Variants in ACOT12 observed in about 807,000 individuals in gnomAD.
ACOT12 encodes acetyl-coenzyme A thioesterase.
ACOT12 carries 51 observed loss-of-function variants against 67.7 expected under a neutral mutation model. The ratio of observed to expected loss-of-function variants is 0.75; its 90% CI spans 0.60 to 0.95. The LOEUF (loss-of-function observed/expected upper bound fraction) is 0.95. Ranked by LOEUF, ACOT12 falls within the 40% of genes least tolerant of loss-of-function variation. The pLI, the probability that ACOT12 is intolerant of heterozygous loss-of-function variation, is 0.00. For synonymous variants in ACOT12, 251 were observed against 244.6 expected (o/e 1.03, Z -0.24); for missense variants, 734 against 708.1 (o/e 1.04, Z -0.41).
intron 5 of ACOT12, among the ~76,000 whole-genome samples, chr5:81,348,428 G>A (rs1453477551): frequency 6.6e-6 from 1 of 152,164 alleles, no homozygotes; most frequent in Admixed American, 6.5e-5. Context: ...AAAGGAATCT[G>A]AGCTACAAAG....
At chr5:81,357,080 C>G (rs1374008162) in intron 5 of ACOT12, among the ~76,000 whole-genome samples, 1 of 152,122 alleles carries the variant, frequency 6.6e-6, no homozygotes, top group Non-Finnish European at 1.5e-5. Flanking sequence ...GGCTTCCCAG[C>G]ACACAGTGTG....
At chr5:81,308,703 C>T in the ACOT12 span, 70 of 1,606,696 alleles carry the variant, frequency 4.4e-5, no homozygotes, top group South Asian at 2.9e-4. Flanking sequence ...AAAGTAGACC[C>T]GGCTCTTGGT....
intron 1 of ACOT12, among the ~76,000 whole-genome samples, chr5:81,391,391 A>G (rs1435607407): frequency 6.6e-6 from 1 of 152,224 alleles, no homozygotes; most frequent in Non-Finnish European, 1.5e-5. Context: ...TAAAACAAAC[A>G]CAGAAAAAGC....
intron 2 of ACOT12, among the ~76,000 whole-genome samples, chr5:81,372,292 T>G (rs1760278782): frequency 6.6e-6 from 1 of 152,218 alleles, no homozygotes; most frequent in Non-Finnish European, 1.5e-5. Context: ...CACTTCCTAC[T>G]ATTATTGAAA....
At chr5:81,384,920 T>C (rs2153859599) in intron 2 of ACOT12, among the ~76,000 whole-genome samples, 1 of 152,314 alleles carries the variant, frequency 6.6e-6, no homozygotes, top group African/African-American at 2.4e-5. Context: ...GGTGGAAAAG[T>C]AATCGCAGTT....
chr5:81,349,240 G>T (rs1324876953), intron 5 of ACOT12, among the ~76,000 whole-genome samples: 1 of 152,126 alleles, frequency 6.6e-6, no homozygotes, highest in Admixed American at 6.5e-5. Flanking sequence ...ATTAATTGAT[G>T]ATCTCTTTTA....
At chr5:81,386,729 C>T (rs1760732791) in intron 1 of ACOT12, among the ~76,000 whole-genome samples, 1 of 152,092 alleles carries the variant, frequency 6.6e-6, no homozygotes, top group Non-Finnish European at 1.5e-5. Context: ...ATTTGTCTTC[C>T]TTGTGCGTAC....
chr5:81,353,450 T>G (rs1177663969), intron 5 of ACOT12, among the ~76,000 whole-genome samples: 1 of 152,202 alleles, frequency 6.6e-6, no homozygotes, highest in Non-Finnish European at 1.5e-5. Context: ...TCAACCTGCT[T>G]TGACAACTTT....
chr5:81,360,225 A>G (rs115813514), intron 4 of ACOT12, among the ~76,000 whole-genome samples, 187 bp from the exon 5 acceptor site: 1 of 152,246 alleles, frequency 6.6e-6, no homozygotes, highest in African/African-American at 2.4e-5. Context: ...AAAAAAATCA[A>G]CATAGGCGTA....
At chr5:81,364,417 T>C (rs1378703378) in intron 3 of ACOT12, among the ~76,000 whole-genome samples, 1 of 151,880 alleles carries the variant, frequency 6.6e-6, no homozygotes, top group Non-Finnish European at 1.5e-5. Flanking sequence ...GTATTTACAG[T>C]TTTATGTTCT....
intron 11 of ACOT12, among the ~76,000 whole-genome samples, chr5:81,339,008 G>C (rs1759102053): frequency 6.6e-6 from 1 of 151,066 alleles, no homozygotes; most frequent in Non-Finnish European, 1.5e-5. Context: ...TGGAACCCAG[G>C]AGGGGGAGTT....
chr5:81,326,096 T>A (rs1356819093), downstream of ACOT12, among the ~76,000 whole-genome samples: 2 of 149,150 alleles, frequency 1.3e-5, no homozygotes, highest in Admixed American at 6.7e-5. Context: ...CATGAGCGAC[T>A]GCACACCCAG....
At chr5:81,310,340 T>C in the ACOT12 span, among the ~76,000 whole-genome samples, 1 of 152,172 alleles carries the variant, frequency 6.6e-6, no homozygotes, top group Non-Finnish European at 1.5e-5. Context: ...AAACACTGGA[T>C]ACATTTTTGT....
intron 2 of ACOT12, among the ~76,000 whole-genome samples, chr5:81,373,978 G>A (rs1347053256): frequency 1.3e-5 from 2 of 152,146 alleles, no homozygotes; most frequent in South Asian, 2.1e-4. Flanking sequence ...CACAGCGTCC[G>A]AGCTCTGATA....
intron 12 of ACOT12, 93 bp downstream of exon 12, chr5:81,335,673 TCA>T: frequency 7.2e-7 from 1 of 1,385,520 alleles, no homozygotes; most frequent in Non-Finnish European, 9.9e-7. Flanking sequence ...AAACAATGGG[TCA>T]CACATTGGAC....
At chr5:81,344,492 C>G (rs900019990) in intron 8 of ACOT12, among the ~76,000 whole-genome samples, 3 of 152,166 alleles carry the variant, frequency 2.0e-5, no homozygotes, top group Non-Finnish European at 2.9e-5. Flanking sequence ...TTAATTCTCA[C>G]TACAGAGTTT....
At chr5:81,312,628 C>T in the ACOT12 span, 1 of 1,613,712 alleles carries the variant, frequency 6.2e-7, no homozygotes, top group Admixed American at 1.7e-5. Flanking sequence ...CCGCAAAAAC[C>T]CAAAACAAAA....
chr5:81,342,047 A>G (rs1198396760), intron 11 of ACOT12, among the ~76,000 whole-genome samples: 2 of 152,166 alleles, frequency 1.3e-5, no homozygotes, highest in Non-Finnish European at 1.5e-5. Context: ...CTGGAATGCA[A>G]TGATGCAATC....
the ACOT12 span, among the ~76,000 whole-genome samples, chr5:81,310,231 T>A: frequency 1.3e-5 from 2 of 151,082 alleles, no homozygotes; most frequent in African/African-American, 4.9e-5. Context: ...TTGGCCATAT[T>A]TGCCTGTGTG....
Sources: allele counts gnomAD v4.1 joint callset (sites outside exome capture counted in the v4.1 genomes callset), GRCh38; gene constraint gnomAD v4.1.1; transcripts MANE v1.5; gene names NCBI Gene and HGNC (gene_info 2026-07-23, HGNC 2026-07-21).